The following LRFN5 variants were observed in gnomAD, a reference collection of about 807,000 sequenced individuals.
The protein encoded by LRFN5 is leucine-rich repeat and fibronectin type-III domain-containing protein 5.
LRFN5 carries 24 observed loss-of-function variants against 45.6 expected under a neutral mutation model. The ratio of observed to expected loss-of-function variants is 0.53; its 90% CI spans 0.38 to 0.74. The LOEUF is 0.74. Among genes scored for constraint, LRFN5 ranks in the 30% least tolerant of loss-of-function variants. The pLI is 0.00. For missense variants in LRFN5, 776 were observed against 861.5 expected, an observed-to-expected ratio of 0.90 and a Z score of 1.24; for synonymous variants, 340 against 313.8, an observed-to-expected ratio of 1.08 and a Z score of -0.88.
intron 1 of LRFN5, among the ~76,000 whole-genome samples, chr14:41,738,932 T>C (rs1452076447): frequency 6.6e-6 from 1 of 152,220 alleles, no homozygotes; most frequent in Non-Finnish European, 1.5e-5. Context: ...GAACAGTTCA[T>C]CTAACAGCAG....
chr14:41,650,260 CACACACAAAA>C (rs905587264), intron 1 of LRFN5, among the ~76,000 whole-genome samples: 106 of 139,786 alleles, frequency 7.6e-4, no homozygotes, highest in Non-Finnish European at 1.3e-3. Flanking sequence ...CACACACACA[CACACACAAAA>C]AAAAAAAAGA....
chr14:41,880,543 A>G (rs376127243), intron 2 of LRFN5, among the ~76,000 whole-genome samples: 1 of 152,058 alleles, frequency 6.6e-6, no homozygotes, highest in East Asian at 1.9e-4. Flanking sequence ...TTTCATTTCA[A>G]TTTAATAGTC....
chr14:41,625,507 C>T (rs1423442804), intron 1 of LRFN5, among the ~76,000 whole-genome samples: 1 of 152,070 alleles, frequency 6.6e-6, no homozygotes, highest in Admixed American at 6.6e-5. Flanking sequence ...CAAGCCTCAG[C>T]TATTTCTTCA....
rs551486578 is a variant in LRFN5 at position 41,865,349 on chromosome 14, T to C, written c.-20-21257T>C. On this transcript the variant is annotated intron_variant, in intron 2 of 5. Coordinates refer to ENST00000298119, the MANE Select transcript of LRFN5 (RefSeq NM_152447.5). Reference sequence around the variant, plus strand: ...TATGCAGTATTTTTTGACAGGCTGTTTTTATGTAGCATGATTTCAAGGTTC... The same window carrying C: ...TATGCAGTATTTTTTGACAGGCTGTCTTTATGTAGCATGATTTCAAGGTTC... Among the ~76,000 whole-genome samples the C allele has an allele frequency of 8.5e-5, 13 of 152,292 alleles. No homozygotes were observed. In the East Asian group the frequency reaches 2.3e-3, roughly 27 times the overall value.
At chr14:41,874,737 T>A (rs1221216147) in intron 2 of LRFN5, among the ~76,000 whole-genome samples, 1 of 152,132 alleles carries the variant, frequency 6.6e-6, no homozygotes, top group Non-Finnish European at 1.5e-5. Flanking sequence ...ACACTCCTAA[T>A]AAAGACATAC....
rs1043270553 is a variant in LRFN5 at position 41,853,212 on chromosome 14, G to A, written c.-20-33394G>A. Among the ~76,000 whole-genome samples the A allele has an allele frequency of 9.9e-5, 15 of 152,104 alleles. 1 individual carries two copies. In the South Asian group the frequency reaches 2.9e-3, roughly 29 times the overall value. ...ATTTTTCAAATAAATTGTTCGCTATGTGTGAGAGATCAATGCATATTTTAT... is the reference window on the plus strand; with the variant it reads ...ATTTTTCAAATAAATTGTTCGCTATATGTGAGAGATCAATGCATATTTTAT... On this transcript the variant is annotated intron_variant, in intron 2 of 5. Transcript: ENST00000298119.
At position 41,887,116 on chromosome 14, in the gene LRFN5, G is replaced by T; in HGVS notation, c.491G>T (p.Trp164Leu). The change falls in exon 3 of 6, where the codon TGG (tryptophan) becomes TTG (leucine). Residue 164 changes from tryptophan to leucine, a missense_variant. By Grantham distance (61) the Trp-to-Leu change is moderately conservative. Coordinates refer to ENST00000298119, the MANE Select transcript of LRFN5 (RefSeq NM_152447.5). The surrounding 1 kb of genome is among the most constrained non-coding windows in gnomAD (Gnocchi z 4.8). ...TATAATAATCTAGAAACCATTCCTTGGGATGCTGTTGAGAAGATGGTTAGC... is the reference window on the plus strand; with the variant it reads ...TATAATAATCTAGAAACCATTCCTTTGGATGCTGTTGAGAAGATGGTTAGC... ...LSYNNLETIP[W>L]DAVEKMVSLH... 6.2e-7 allele frequency: 1 copy of T among 1,613,930 alleles called. No homozygotes were observed. The highest frequency in any genetic ancestry group is 8.5e-7 in the Non-Finnish European group (1 of 1,180,000).
chr14:41,630,049 G>A (rs1051270039), intron 1 of LRFN5, among the ~76,000 whole-genome samples: 2 of 152,046 alleles, frequency 1.3e-5, no homozygotes, highest in Admixed American at 6.6e-5. Flanking sequence ...ACCTAGAAAG[G>A]TGCTTAAGAT....
At chr14:41,878,808 A>G (rs1890274785) in intron 2 of LRFN5, among the ~76,000 whole-genome samples, 1 of 152,156 alleles carries the variant, frequency 6.6e-6, no homozygotes, top group Admixed American at 6.5e-5. Flanking sequence ...TATTAATTCC[A>G]GAAAAGCATG....
intron 1 of LRFN5, among the ~76,000 whole-genome samples, chr14:41,613,302 T>A (rs1206492913): frequency 6.6e-6 from 1 of 152,090 alleles, no homozygotes; most frequent in Non-Finnish European, 1.5e-5. Context: ...TCAGATATTA[T>A]TATGGTTCTA....
At chr14:41,850,074 T>C (rs1889211654) in intron 2 of LRFN5, among the ~76,000 whole-genome samples, 1 of 151,976 alleles carries the variant, frequency 6.6e-6, no homozygotes, top group Non-Finnish European at 1.5e-5. Flanking sequence ...TAATAATATG[T>C]GCATGTATAA....
intron 2 of LRFN5, among the ~76,000 whole-genome samples, chr14:41,869,032 A>G (rs1410406319): frequency 6.6e-6 from 1 of 152,210 alleles, no homozygotes; most frequent in Non-Finnish European, 1.5e-5. Flanking sequence ...AAATTTATAT[A>G]TAAATAAAAT....
intron 2 of LRFN5, among the ~76,000 whole-genome samples, chr14:41,827,029 A>G (rs1888323161): frequency 6.6e-6 from 1 of 152,144 alleles, no homozygotes; most frequent in Non-Finnish European, 1.5e-5. Flanking sequence ...CCATCATCTC[A>G]TAAGTAACTT....
At chr14:41,611,708 C>G (rs1887763701) in intron 1 of LRFN5, among the ~76,000 whole-genome samples, 1 of 152,158 alleles carries the variant, frequency 6.6e-6, no homozygotes, top group Non-Finnish European at 1.5e-5. Flanking sequence ...TCTCTCCTTC[C>G]CTCATAGATC....
intron 1 of LRFN5, among the ~76,000 whole-genome samples, chr14:41,639,329 C>A (rs574550112): frequency 1.3e-5 from 2 of 152,040 alleles, no homozygotes; most frequent in Non-Finnish European, 2.9e-5. Flanking sequence ...ATTATGCAGT[C>A]TTCTCTTTTC....
rs10654457 is a variant in LRFN5, at chr14:41,650,266, CAA to C, written c.-197+41715_-197+41716del. 1.8e-3 allele frequency among the ~76,000 whole-genome samples: 248 copies of C among 135,470 alleles called. 2 individuals are homozygous for C. The highest frequency in any genetic ancestry group is 3.5e-3 in the African/African-American group (126 of 35,564). 88.9% of individuals were successfully genotyped at this position (135,470 alleles called of 152,430 possible). A position where few individuals can be genotyped will look rare whatever the true frequency, so the allele number is the denominator to read the frequency against. On this transcript the variant is annotated intron_variant, in intron 1 of 5. Coordinates refer to ENST00000298119, the MANE Select transcript of LRFN5 (RefSeq NM_152447.5). ...ACACACACACACACACACACACACA[CAA>C]AAAAAAAAAAGATACTTGCAACACA...
intron 2 of LRFN5, among the ~76,000 whole-genome samples, chr14:41,771,573 T>TTGA (rs1431901890): frequency 6.6e-6 from 1 of 152,108 alleles, no homozygotes; most frequent in African/African-American, 2.4e-5. Context: ...GTCATCACTC[T>TTGA]TAATTATCAA....
chr14:41,799,597 A>G (rs1286526994), intron 2 of LRFN5, among the ~76,000 whole-genome samples: 1 of 151,638 alleles, frequency 6.6e-6, no homozygotes, highest in Non-Finnish European at 1.5e-5. Context: ...TCCTTTATCA[A>G]CTTTTTTTCT....
At position 41,892,040 on chromosome 14, in the gene LRFN5, T is replaced by C. The variant is rs924301171; in HGVS notation, c.2098+78T>C. On this transcript the variant is annotated intron_variant, in intron 4 of 5. Coordinates refer to ENST00000298119, the MANE Select transcript of LRFN5 (RefSeq NM_152447.5). Reference sequence around the variant, plus strand: ...CCTCAATGGAGAATTAAAGGAATACTATTGTTATATTAACTCGCCGAACAC... The same window carrying C: ...CCTCAATGGAGAATTAAAGGAATACCATTGTTATATTAACTCGCCGAACAC... The C allele has an allele frequency of 2.0e-6, 3 of 1,534,466 alleles. No homozygotes were observed. In the East Asian group the frequency reaches 7.0e-5, roughly 36 times the overall value.
Sources: gnomAD v4.1 joint callset for allele counts (sites outside exome capture counted in the v4.1 genomes callset) on GRCh38, gnomAD v4.1.1 for gene constraint, Gnocchi (gnomAD v3.1) non-coding constraint, MANE v1.5 for transcripts, NCBI Gene and HGNC (gene_info 2026-07-23, HGNC 2026-07-21) for gene names.